Variants in PIAS1 observed in about 807,000 individuals in gnomAD.
PIAS1 encodes the protein protein inhibitor of activated STAT 1, also known as E3 SUMO-protein ligase PIAS1.
Under a neutral mutation model 71.3 loss-of-function variants are expected in PIAS1, and 6 were observed. The observed-to-expected ratio is 0.08, with a 90% CI of 0.05 to 0.17. The LOEUF is 0.17. PIAS1 is among the 10% of genes least tolerant of loss of function. The pLI is 1.00. For missense variants in PIAS1, 555 were observed against 793.6 expected, an observed-to-expected ratio of 0.70 and a Z score of 3.61; for synonymous variants, 303 against 292.9, an observed-to-expected ratio of 1.03 and a Z score of -0.35.
At chr15:68,085,724 A>G (rs1209176262) in intron 1 of PIAS1, among the ~76,000 whole-genome samples, 4 of 152,228 alleles carry the variant, frequency 2.6e-5, no homozygotes, top group African/African-American at 7.2e-5. Flanking sequence ...ATGACATTCC[A>G]TGTGAAAATA....
intron 1 of PIAS1, among the ~76,000 whole-genome samples, chr15:68,076,520 C>CA (rs2092166970): frequency 6.6e-6 from 1 of 152,042 alleles, no homozygotes; most frequent in Admixed American, 6.6e-5. Flanking sequence ...AGAACAACAA[C>CA]AAAAAAGATT....
chr15:68,115,420 C>T (rs556187695), intron 2 of PIAS1, among the ~76,000 whole-genome samples: 1 of 152,196 alleles, frequency 6.6e-6, no homozygotes, highest in South Asian at 2.1e-4. Context: ...ATAGCATCTT[C>T]ACCTTGCTAA....
At chr15:68,094,049 CCTGGGAAGGTGGCTTCTATTTAA>C (rs1245310244) in intron 2 of PIAS1, among the ~76,000 whole-genome samples, 1 of 151,534 alleles carries the variant, frequency 6.6e-6, no homozygotes, top group East Asian at 1.9e-4. Flanking sequence ...CATTTTTAAG[CCTGGGAAGGTGGCTTCTATTTAA>C]ATTTTGATGT....
chr15:68,144,992 T>G (rs2092798415), intron 4 of PIAS1, among the ~76,000 whole-genome samples: 1 of 152,068 alleles, frequency 6.6e-6, no homozygotes, highest in Non-Finnish European at 1.5e-5. Flanking sequence ...ACTATGTAAC[T>G]CAGGGGTGCT....
At chr15:68,137,701 A>T (rs2092743109) in intron 2 of PIAS1, among the ~76,000 whole-genome samples, 1 of 152,196 alleles carries the variant, frequency 6.6e-6, no homozygotes, top group Non-Finnish European at 1.5e-5. Context: ...CAATTTCTTC[A>T]TCTGAAAAAT....
intron 1 of PIAS1, chr15:68,055,860 A>G: frequency 1.4e-6 from 1 of 696,178 alleles, no homozygotes; most frequent in Non-Finnish European, 2.6e-6. Context: ...TCACCGAAAG[A>G]GCTTTTCTCC....
At chr15:68,156,602 G>A (rs767385332) in intron 7 of PIAS1, among the ~76,000 whole-genome samples, 7 of 151,706 alleles carry the variant, frequency 4.6e-5, no homozygotes, top group Admixed American at 2.6e-4. Flanking sequence ...CCAGCTACTC[G>A]GAAGGCTGAG....
rs760481112 is a variant in PIAS1, at chr15:68,181,229, A to C, written c.1499A>C (p.His500Pro). The C allele has an allele frequency of 2.5e-6, 4 of 1,613,468 alleles. No homozygotes were observed. The highest frequency in any genetic ancestry group is 1.7e-5 in the Admixed American group (1 of 59,972). Residue 500 changes from histidine to proline, a missense_variant, in exon 12 of 14, where the codon CAT becomes CCT. Physicochemically the swap from His to Pro is moderately conservative, Grantham distance 77 (BLOSUM62 -2). Coordinates refer to ENST00000249636, the MANE Select transcript of PIAS1 (RefSeq NM_016166.3). ...TCTTCCAGCATTTTAAGTCTTCCAC[A>C]TCAAGCATCTCCAGTATCCCGCACC... is the stretch of plus-strand genomic sequence containing the variant. ...LNNKGILSLP[H>P]QASPVSRTPS...
At chr15:68,062,106 C>G (rs895307380) in intron 1 of PIAS1, among the ~76,000 whole-genome samples, 1 of 152,156 alleles carries the variant, frequency 6.6e-6, no homozygotes, top group Non-Finnish European at 1.5e-5. Context: ...TATCTTCGCT[C>G]TTTTTTCTTG....
At chr15:68,130,807 C>G (rs1367244104) in intron 2 of PIAS1, among the ~76,000 whole-genome samples, 1 of 151,980 alleles carries the variant, frequency 6.6e-6, no homozygotes, top group Non-Finnish European at 1.5e-5. Flanking sequence ...GGACTAAAAC[C>G]TTGATAGAGA....
chr15:68,056,426 T>G (rs1267873349), intron 1 of PIAS1, among the ~76,000 whole-genome samples: 1 of 152,234 alleles, frequency 6.6e-6, no homozygotes, highest in Non-Finnish European at 1.5e-5. Flanking sequence ...CAGTATCAGA[T>G]AAACACCAAA....
chr15:68,168,615 G>A (rs1416983995), intron 8 of PIAS1, among the ~76,000 whole-genome samples: 1 of 152,010 alleles, frequency 6.6e-6, no homozygotes, highest in African/African-American at 2.4e-5. Flanking sequence ...CTTCTCTCTT[G>A]TTACCAAGTT....
chr15:68,056,109 T>C (rs766358130), intron 1 of PIAS1, among the ~76,000 whole-genome samples: 1 of 152,198 alleles, frequency 6.6e-6, no homozygotes, highest in Non-Finnish European at 1.5e-5. Flanking sequence ...CTTTAAGACA[T>C]GTTTTCTATA....
At chr15:68,128,395 G>T (rs2092667177) in intron 2 of PIAS1, among the ~76,000 whole-genome samples, 2 of 152,132 alleles carry the variant, frequency 1.3e-5, no homozygotes, top group Admixed American at 6.5e-5. Context: ...TGATCCACCT[G>T]CCTCGGCCTC....
chr15:68,083,148 T>TA (rs2092244755), intron 1 of PIAS1, among the ~76,000 whole-genome samples: 1 of 151,532 alleles, frequency 6.6e-6, no homozygotes, highest in Admixed American at 6.6e-5. Context: ...TATTTTGTTG[T>TA]GCTAACAAAT....
intron 1 of PIAS1, among the ~76,000 whole-genome samples, chr15:68,059,750 ATTTTAT>A (rs1404489193): frequency 6.8e-6 from 1 of 147,036 alleles, no homozygotes; most frequent in African/African-American, 2.5e-5. Context: ...ACAAATGTTT[ATTTTAT>A]TTTTGTAGAG....
rs1011133731 is a variant in PIAS1, at chr15:68,185,760, G to A, written c.1663-1782G>A. Among the ~76,000 whole-genome samples the A allele has an allele frequency of 6.6e-5, 10 of 152,038 alleles. No homozygotes were observed. The highest frequency in any genetic ancestry group is 2.2e-4 in the African/African-American group (9 of 41,374). On this transcript the variant is annotated intron_variant, in intron 13 of 13. Coordinates refer to ENST00000249636, the MANE Select transcript of PIAS1 (RefSeq NM_016166.3). This position sits in a 1 kb window ranked among gnomAD's most constrained non-coding sequence, Gnocchi z 4.4. ...GGGTAGATCATGAGGTCAGGAGTTC[G>A]AGACCAGCCTGACCAACATGGTGAA...
chr15:68,141,399 C>T (rs1375510905), intron 2 of PIAS1, among the ~76,000 whole-genome samples: 1 of 151,920 alleles, frequency 6.6e-6, no homozygotes, highest in Non-Finnish European at 1.5e-5. Flanking sequence ...GAGTTAGTGA[C>T]AATAAGCAAA....
At chr15:68,151,181 G>A (rs550337721) in intron 6 of PIAS1, among the ~76,000 whole-genome samples, 1 of 151,428 alleles carries the variant, frequency 6.6e-6, no homozygotes, top group Admixed American at 6.6e-5. Flanking sequence ...CTTTGGTGGG[G>A]TTTTTTTTGC....
Sources: gnomAD v4.1 joint callset for allele counts (sites outside exome capture counted in the v4.1 genomes callset) on GRCh38, gnomAD v4.1.1 for gene constraint, Gnocchi (gnomAD v3.1) non-coding constraint, MANE v1.5 for transcripts, NCBI Gene and HGNC (gene_info 2026-07-23, HGNC 2026-07-21) for gene names.